The following TMEM266 variants were observed in gnomAD, a reference collection of about 807,000 sequenced individuals.
TMEM266 encodes the protein Hv1 related protein 1.
TMEM266 carries 33 observed loss-of-function variants against 50.5 expected under a neutral mutation model. That is an observed-to-expected ratio of 0.65 (90% confidence interval 0.50 to 0.87). The LOEUF (loss-of-function observed/expected upper bound fraction) is 0.87. Ranked by LOEUF, TMEM266 falls within the 40% of genes least tolerant of loss-of-function variation. The pLI is 0.00. For synonymous variants in TMEM266, 310 were observed against 292.3 expected (o/e 1.06, Z -0.62); for missense variants, 655 against 695.1 (o/e 0.94, Z 0.65).
chr15:76,067,581 C>T (rs576080695), intron 1 of TMEM266, among the ~76,000 whole-genome samples: 3 of 141,340 alleles, frequency 2.1e-5, no homozygotes, highest in South Asian at 4.4e-4. Context: ...TGCAATGAGC[C>T]GAGATTGCGC....
chr15:76,171,152 G>A (rs566587681), intron 7 of TMEM266, 21 bp downstream of exon 7: 9 of 1,610,850 alleles, frequency 5.6e-6, no homozygotes, highest in Non-Finnish European at 7.6e-6. Flanking sequence ...CGAGGGGGGT[G>A]TGGTCAGTGG....
In TMEM266 at chr15:76,094,406, G is replaced by A. The variant is rs536773229; in HGVS notation, c.-97+34390G>A. Among the ~76,000 whole-genome samples the A allele has an allele frequency of 3.3e-5, 5 of 152,204 alleles. No individual in the cohort carries two copies. The South Asian group carries it at 1.0e-3, about 32-fold the overall frequency. ...CCCATTGCTTGTTTGTGTCAGCTTT[G>A]TCAAAGATCAGATGGTTGTAGATGT... On this transcript the variant is annotated intron_variant, in intron 1 of 10. Coordinates refer to ENST00000388942, the MANE Select transcript of TMEM266 (RefSeq NM_152335.3).
At chr15:76,063,654 A>G (rs1465582883) in intron 1 of TMEM266, among the ~76,000 whole-genome samples, 1 of 152,094 alleles carries the variant, frequency 6.6e-6, no homozygotes, top group African/African-American at 2.4e-5. Context: ...ATTAGTTGTT[A>G]AGTGTATTGC....
At chr15:76,202,145 A>ATAAG (rs2038758256) in intron 9 of TMEM266, 57 bp from the exon 10 acceptor site, 2 of 1,471,530 alleles carry the variant, frequency 1.4e-6, no homozygotes, top group Non-Finnish European at 1.9e-6. Context: ...GGACAGGAGT[A>ATAAG]TAAGGGGTAG....
At chr15:76,106,724 G>A (rs1208302925) in intron 1 of TMEM266, among the ~76,000 whole-genome samples, 1 of 152,196 alleles carries the variant, frequency 6.6e-6, no homozygotes, top group African/African-American at 2.4e-5. Context: ...GGGATTACAG[G>A]CGTGAGCCAC....
At chr15:76,134,334 A>G (rs1236613911) in intron 2 of TMEM266, 33 bp downstream of exon 2, 25 of 1,601,392 alleles carry the variant, frequency 1.6e-5, no homozygotes, top group Non-Finnish European at 2.1e-5. Context: ...CTCTGGATCC[A>G]GAACTGTGGC....
chr15:76,080,477 C>T (rs2036674319), intron 1 of TMEM266, among the ~76,000 whole-genome samples: 1 of 150,968 alleles, frequency 6.6e-6, no homozygotes, highest in Non-Finnish European at 1.5e-5. Flanking sequence ...TCTCGAACTC[C>T]CGACCTTGTG....
chr15:76,110,971 G>A (rs894302609), intron 1 of TMEM266, among the ~76,000 whole-genome samples: 2 of 152,134 alleles, frequency 1.3e-5, no homozygotes, highest in Non-Finnish European at 2.9e-5. Context: ...AAAATCCAGA[G>A]CACCGACAAC....
chr15:76,165,017 A>G (rs560938506), intron 5 of TMEM266, among the ~76,000 whole-genome samples: 3 of 152,380 alleles, frequency 2.0e-5, no homozygotes, highest in Non-Finnish European at 2.9e-5. Context: ...AAACTCTGGC[A>G]GCCTCATCAG....
At chr15:76,192,991 C>A (rs564342157) in intron 9 of TMEM266, among the ~76,000 whole-genome samples, 1 of 152,344 alleles carries the variant, frequency 6.6e-6, no homozygotes, top group South Asian at 2.1e-4. Context: ...CATGCCGTGT[C>A]CCCTGCAGGG....
intron 1 of TMEM266, among the ~76,000 whole-genome samples, chr15:76,105,910 A>G (rs1447722966): frequency 1.3e-5 from 2 of 152,190 alleles, no homozygotes; most frequent in Non-Finnish European, 2.9e-5. Context: ...GTTTTATTAC[A>G]GTAACATTGT....
In TMEM266 at chr15:76,202,297, C is replaced by T. The variant is rs2038761275; in HGVS notation, c.1021+33C>T. 1.9e-6 allele frequency: 3 copies of T among 1,580,638 alleles called. No individual in the cohort carries two copies. In the East Asian group the frequency reaches 6.8e-5, roughly 36 times the overall value. On this transcript the variant is annotated intron_variant, in intron 10 of 10. Coordinates refer to ENST00000388942, the MANE Select transcript of TMEM266 (RefSeq NM_152335.3). Reference sequence around the variant, plus strand: ...TGGGTTGGGGCTGTTCTACATGTGCCACAACCCCAGCAATCCCTAAACCCA... The same window carrying T: ...TGGGTTGGGGCTGTTCTACATGTGCTACAACCCCAGCAATCCCTAAACCCA...
In TMEM266 at chr15:76,204,517, G is replaced by A. The variant is rs969302427; in HGVS notation, c.*202G>A. The A allele has an allele frequency of 1.8e-5, 9 of 503,912 alleles. No homozygotes were observed. The highest frequency in any genetic ancestry group is 6.1e-5 in the East Asian group (2 of 32,600). The allele number at this position is 503,912 out of a possible 1,614,324, so 31.2% of individuals were successfully genotyped here. A position where few individuals can be genotyped will look rare whatever the true frequency, so the allele number is the denominator to read the frequency against. ...AAGCCCAGAGCTGGCGCCTCTTCTC[G>A]CCCTGCTCAGGGGAGGGTGGTGCTC... On this transcript the variant is annotated 3_prime_UTR_variant, in exon 11 of 11. Coordinates refer to ENST00000388942, the MANE Select transcript of TMEM266 (RefSeq NM_152335.3).
chr15:76,156,765 A>G lies in TMEM266; in HGVS notation c.382+7A>G. Reference sequence around the variant, plus strand: ...GATATAAAGCTTCTCCAGTGTGAGTAGCAAGAGAGATACATATGCCAATAC... The same window carrying G: ...GATATAAAGCTTCTCCAGTGTGAGTGGCAAGAGAGATACATATGCCAATAC... On this transcript the variant is annotated splice_region_variant and intron_variant, in intron 4 of 10. Coordinates refer to ENST00000388942, the MANE Select transcript of TMEM266 (RefSeq NM_152335.3). The G allele has an allele frequency of 6.2e-7, 1 of 1,612,538 alleles. No homozygotes were observed. Among genetic ancestry groups the G allele is most frequent in the Non-Finnish European group, 8.5e-7 (1 of 1,178,682 alleles).
intron 1 of TMEM266, among the ~76,000 whole-genome samples, chr15:76,127,542 C>T (rs1376837060): frequency 6.6e-6 from 1 of 151,984 alleles, no homozygotes; most frequent in Non-Finnish European, 1.5e-5. Context: ...GCCAAGCTGG[C>T]CTCTTACTCC....
chr15:76,193,048 G>A (rs568393612), intron 9 of TMEM266, among the ~76,000 whole-genome samples: 1 of 152,342 alleles, frequency 6.6e-6, no homozygotes, highest in African/African-American at 2.4e-5. Flanking sequence ...GAGGCAAGAG[G>A]CCTGAGCTCC....
At chr15:76,126,713 G>A (rs2037429351) in intron 1 of TMEM266, among the ~76,000 whole-genome samples, 1 of 151,964 alleles carries the variant, frequency 6.6e-6, no homozygotes, top group Non-Finnish European at 1.5e-5. Context: ...ATTTTTAGTA[G>A]AGATGGGGTT....
rs560620915 is a variant in TMEM266 at position 76,105,626 on chromosome 15, A to C, written c.-96-28542A>C. On this transcript the variant is annotated intron_variant, in intron 1 of 10. Transcript: ENST00000388942. ...GAGCATGGCTGTGTTCCAGTGAAAC[A>C]CTGCTTACAAAAACAGGCAGTGGGC... 3.9e-5 allele frequency among the ~76,000 whole-genome samples: 6 copies of C among 152,390 alleles called. No individual in the cohort carries two copies. The South Asian group carries it at 1.2e-3, about 32-fold the overall frequency.
rs1273780237 is a variant in TMEM266 at position 76,168,369 on chromosome 15, C to T, written c.457-1447C>T. Among the ~76,000 whole-genome samples, 1 of 152,186 alleles carries T rather than the reference C, an allele frequency of 6.6e-6. No homozygotes were observed. Among genetic ancestry groups the T allele is most frequent in the African/African-American group, 2.4e-5 (1 of 41,440 alleles). Reference sequence around the variant, plus strand: ...CGAGAAAGAGCTGGATTTTACCAGCCAAGCCTTTCTGTGGCATAACAGCTG... The same window carrying T: ...CGAGAAAGAGCTGGATTTTACCAGCTAAGCCTTTCTGTGGCATAACAGCTG... On this transcript the variant is annotated intron_variant, in intron 5 of 10. Coordinates refer to ENST00000388942, the MANE Select transcript of TMEM266 (RefSeq NM_152335.3). This position sits in a 1 kb window ranked among gnomAD's most constrained non-coding sequence, Gnocchi z 4.4.
Sources: gnomAD v4.1 joint callset for allele counts (sites outside exome capture counted in the v4.1 genomes callset) on GRCh38, gnomAD v4.1.1 for gene constraint, Gnocchi (gnomAD v3.1) non-coding constraint, MANE v1.5 for transcripts, NCBI Gene and HGNC (gene_info 2026-07-23, HGNC 2026-07-21) for gene names.